PRKAG2: variants seen among roughly 807,000 people sequenced by gnomAD.
PRKAG2 encodes the protein protein kinase AMP-activated non-catalytic subunit gamma 2, also known as 5'-AMP-activated protein kinase subunit gamma-2.
A neutral mutation model predicts 69.6 loss-of-function variants in PRKAG2; 26 were observed. The observed-to-expected ratio is 0.37, with a 90% CI of 0.27 to 0.52. The LOEUF is 0.52. Ranked by LOEUF, PRKAG2 falls within the 20% of genes least tolerant of loss-of-function variation. PRKAG2 has a pLI of 0.90. For missense variants in PRKAG2, 557 were observed against 740.0 expected, an observed-to-expected ratio of 0.75 and a Z score of 2.87; for synonymous variants, 293 against 285.0, an observed-to-expected ratio of 1.03 and a Z score of -0.28.
At position 151,564,596 on chromosome 7, in the gene PRKAG2, G is replaced by C. The variant is rs563354456; in HGVS notation, c.1438-372C>G. ...TCTGTAAAGGGTGGTGAGTGCCACA[G>C]GGCTAGAAATGCTGCAGCAACGGAC... On this transcript the variant is annotated intron_variant, in intron 13 of 15. Transcript: ENST00000287878. 6.2e-4 allele frequency among the ~76,000 whole-genome samples: 94 copies of C among 152,288 alleles called. 1 individual carries two copies. The highest frequency in any genetic ancestry group is 1.2e-3 in the Non-Finnish European group (79 of 68,020).
At chr7:151,762,131 G>A (rs778864850) in intron 3 of PRKAG2, among the ~76,000 whole-genome samples, 10 of 152,200 alleles carry the variant, frequency 6.6e-5, no homozygotes, top group South Asian at 2.1e-4. Flanking sequence ...GCACCTCAGC[G>A]AGGAACAAAC....
rs1023644899 is a variant in PRKAG2 at position 151,773,005 on chromosome 7, G to A, written c.466+8147C>T. Reference sequence around the variant, plus strand: ...TGAATGAAAGAAAGAAAGAAAGAAAGAAAGAAAGAAAGAAAGAAAGAGAGA... The same window carrying A: ...TGAATGAAAGAAAGAAAGAAAGAAAAAAAGAAAGAAAGAAAGAAAGAGAGA... On this transcript the variant is annotated intron_variant, in intron 3 of 15. Transcript: ENST00000287878. 4.5e-3 allele frequency among the ~76,000 whole-genome samples: 57 copies of A among 12,560 alleles called. 2 individuals are homozygous for A. Among genetic ancestry groups the A allele is most frequent in the Middle Eastern group, 0.091 (2 of 22 alleles). 8.2% of individuals were successfully genotyped at this position (12,560 alleles called of 152,430 possible).
intron 6 of PRKAG2, among the ~76,000 whole-genome samples, chr7:151,593,490 G>A (rs775584577): frequency 6.6e-6 from 1 of 152,122 alleles, no homozygotes. Context: ...CACTGTGCCC[G>A]GCCTACTGTC....
intron 3 of PRKAG2, chr7:151,736,161 G>T (rs747100789): frequency 6.9e-7 from 1 of 1,444,110 alleles, no homozygotes; most frequent in South Asian, 1.4e-5. Context: ...GGGTTCAAGC[G>T]TCCTCACCAG....
intron 1 of PRKAG2, among the ~76,000 whole-genome samples, chr7:151,813,559 A>G (rs2078534282): frequency 6.6e-6 from 1 of 151,790 alleles, no homozygotes; most frequent in African/African-American, 2.4e-5. Context: ...GGGCGACAAG[A>G]GGGATGCTGG....
intron 5 of PRKAG2, among the ~76,000 whole-genome samples, chr7:151,627,501 C>T (rs1428577583): frequency 2.0e-5 from 3 of 152,010 alleles, no homozygotes; most frequent in Admixed American, 6.5e-5. Context: ...TGGTGCATGC[C>T]TGTAATCCTA....
At chr7:151,612,560 C>T (rs1338371351) in intron 5 of PRKAG2, among the ~76,000 whole-genome samples, 1 of 152,198 alleles carries the variant, frequency 6.6e-6, no homozygotes, top group African/African-American at 2.4e-5. Flanking sequence ...TGTTCTGTCC[C>T]ATCAGCAGGC....
At chr7:151,809,081 G>A (rs1229036668) in intron 1 of PRKAG2, among the ~76,000 whole-genome samples, 1 of 152,226 alleles carries the variant, frequency 6.6e-6, no homozygotes, top group Admixed American at 6.5e-5. Flanking sequence ...GGATGAGTAT[G>A]GGGTGACTCA....
At chr7:151,759,795 G>A (rs2075309209) in intron 3 of PRKAG2, among the ~76,000 whole-genome samples, 1 of 152,234 alleles carries the variant, frequency 6.6e-6, no homozygotes. Context: ...TGTTCTCAGG[G>A]CCAAGGGGAC....
At chr7:151,610,131 C>T (rs1818420947) in intron 5 of PRKAG2, among the ~76,000 whole-genome samples, 1 of 152,164 alleles carries the variant, frequency 6.6e-6, no homozygotes, top group African/African-American at 2.4e-5. Flanking sequence ...TTTCGGAGGC[C>T]GAGGTGGGCG....
intron 3 of PRKAG2, among the ~76,000 whole-genome samples, chr7:151,720,915 A>C (rs1253003880): frequency 1.5e-5 from 1 of 66,890 alleles, no homozygotes; most frequent in Non-Finnish European, 2.9e-5. Flanking sequence ...TGGTGGGGGG[A>C]ATGGAGGGGG....
rs903019457 is a variant in PRKAG2, at chr7:151,722,309, C to T, written c.467-46672G>A. On this transcript the variant is annotated intron_variant, in intron 3 of 15. Coordinates refer to ENST00000287878, the MANE Select transcript of PRKAG2 (RefSeq NM_016203.4). ...AGCTATGTTCAGGGGAGCGTTAGTT[C>T]GTTACCTGCTTGACATGGCACTGCC... Among the ~76,000 whole-genome samples the T allele has an allele frequency of 3.3e-5, 5 of 152,222 alleles. No homozygotes were observed. In the South Asian group the frequency reaches 8.4e-4, roughly 25 times the overall value.
chr7:151,742,985 C>T (rs1414262479), intron 3 of PRKAG2, among the ~76,000 whole-genome samples: 3 of 152,174 alleles, frequency 2.0e-5, no homozygotes, highest in Admixed American at 1.3e-4. Context: ...CTTCAGCATA[C>T]GTGGGCGGGG....
chr7:151,608,158 G>A (rs995361517), intron 5 of PRKAG2, among the ~76,000 whole-genome samples: 3 of 152,106 alleles, frequency 2.0e-5, no homozygotes, highest in Admixed American at 6.5e-5. Flanking sequence ...AGCGTGGGGC[G>A]GATTCTCCCT....
At position 151,777,406 on chromosome 7, in the gene PRKAG2, C is replaced by T. The variant is rs923168586; in HGVS notation, c.466+3746G>A. ...TGGATCCCCGGTGTTGGAGGTGGGG[C>T]CCCGTGGGAGGTGTTTGGGTCCTGG... On this transcript the variant is annotated intron_variant, in intron 3 of 15. Transcript: ENST00000287878. This position sits in a 1 kb window ranked among gnomAD's most constrained non-coding sequence, Gnocchi z 4.3. Among the ~76,000 whole-genome samples the T allele has an allele frequency of 1.3e-5, 2 of 152,146 alleles. No homozygotes were observed. The highest frequency in any genetic ancestry group is 4.8e-5 in the African/African-American group (2 of 41,428).
At chr7:151,801,698 T>C (rs146557714) in intron 1 of PRKAG2, among the ~76,000 whole-genome samples, 89 of 152,318 alleles carry the variant, frequency 5.8e-4, no homozygotes, top group Non-Finnish European at 1.2e-3. Flanking sequence ...CATTCTGTTC[T>C]AGAGGGGCTT....
At chr7:151,631,652 C>G (rs571047843) in intron 5 of PRKAG2, 1 of 456,544 alleles carries the variant, frequency 2.2e-6, no homozygotes, top group South Asian at 1.5e-5. Flanking sequence ...CATATCTTCA[C>G]AGGCGCAGAT....
At chr7:151,716,596 CTTA>C (rs1431483593) in intron 3 of PRKAG2, among the ~76,000 whole-genome samples, 1 of 151,950 alleles carries the variant, frequency 6.6e-6, no homozygotes, top group African/African-American at 2.4e-5. Context: ...ATAATAATCC[CTTA>C]GGAAGGAGGG....
At chr7:151,616,723 A>G (rs1156382458) in intron 5 of PRKAG2, among the ~76,000 whole-genome samples, 1 of 152,268 alleles carries the variant, frequency 6.6e-6, no homozygotes, top group African/African-American at 2.4e-5. Context: ...AGGAGCCTTC[A>G]CGGCCAAGGG....
Sources: allele counts gnomAD v4.1 joint callset (sites outside exome capture counted in the v4.1 genomes callset), GRCh38; gene constraint gnomAD v4.1.1; non-coding constraint Gnocchi (gnomAD v3.1); transcripts MANE v1.5; gene names NCBI Gene and HGNC (gene_info 2026-07-23, HGNC 2026-07-21).